MYH14: variants seen among roughly 807,000 people sequenced by gnomAD.
MYH14 encodes myosin-14.
Under a neutral mutation model 255.5 loss-of-function variants are expected in MYH14, and 123 were observed. The observed-to-expected ratio is 0.48, with a 90% CI of 0.42 to 0.56. MYH14 has a LOEUF of 0.56. MYH14 is among the 20% of genes least tolerant of loss of function. The pLI, the probability that MYH14 is intolerant of heterozygous loss-of-function variation, is 0.00. For synonymous variants in MYH14, 1,095 were observed against 1,161.2 expected (o/e 0.94, Z 1.16); for missense variants, 2,423 against 2,802.3 (o/e 0.86, Z 3.06).
intron 10 of MYH14, among the ~76,000 whole-genome samples, chr19:50,232,421 G>T (rs146452792): frequency 7.5e-6 from 1 of 132,536 alleles, no homozygotes; most frequent in Non-Finnish European, 1.7e-5. Flanking sequence ...GTGAAACACC[G>T]TTTCTACTGA....
At position 50,274,729 on chromosome 19, in the gene MYH14, G is replaced by A. The variant is rs146574105; in HGVS notation, c.3468-1262G>A. On this transcript the variant is annotated intron_variant, in intron 27 of 42. Coordinates refer to ENST00000642316, the MANE Select transcript of MYH14 (RefSeq NM_001145809.2). The stretch of plus-strand genomic sequence containing the variant: ...GGGTCGCCTGAGCCCAGGAATTCAA[G>A]ACCAGCCTGGGCAATATAATGAGAC... 7.5e-3 allele frequency among the ~76,000 whole-genome samples: 1,145 copies of A among 152,228 alleles called. 18 individuals are homozygous for A. Among genetic ancestry groups the A allele is most frequent in the African/African-American group, 0.024 (1,009 of 41,534 alleles).
intron 40 of MYH14, among the ~76,000 whole-genome samples, chr19:50,304,026 TC>T (rs2036577425): frequency 6.6e-6 from 1 of 152,224 alleles, no homozygotes; most frequent in African/African-American, 2.4e-5. Context: ...TACTAATAGT[TC>T]CTATTTATTG....
chr19:50,299,050 C>T (rs1329823376), intron 39 of MYH14, among the ~76,000 whole-genome samples: 1 of 151,942 alleles, frequency 6.6e-6, no homozygotes, highest in Non-Finnish European at 1.5e-5. Flanking sequence ...ATGATTGTGC[C>T]ACTGCACTCC....
At chr19:50,274,862 T>A (rs1334015315) in intron 27 of MYH14, among the ~76,000 whole-genome samples, 1 of 150,662 alleles carries the variant, frequency 6.6e-6, no homozygotes, top group Non-Finnish European at 1.5e-5. Flanking sequence ...ACCTGGGAAG[T>A]CGAGGCTGCA....
At chr19:50,269,564 C>T (rs536218675) in intron 24 of MYH14, among the ~76,000 whole-genome samples, 30 of 152,258 alleles carry the variant, frequency 2.0e-4, no homozygotes, top group African/African-American at 6.3e-4. Context: ...GCTGAGCACA[C>T]AGCACTGGGC....
chr19:50,244,987 A>G (rs2034046755), intron 11 of MYH14, among the ~76,000 whole-genome samples: 1 of 152,206 alleles, frequency 6.6e-6, no homozygotes, highest in African/African-American at 2.4e-5. Flanking sequence ...CTCTGCAGAG[A>G]CACACTTCTT....
At chr19:50,277,933 A>T (rs62702961) in intron 29 of MYH14, 150 bp from the exon 30 acceptor site, 2 of 502,702 alleles carry the variant, frequency 4.0e-6, no homozygotes, top group South Asian at 7.4e-5. Flanking sequence ...AAAAAAAAAA[A>T]TTGGGAGTGA....
chr19:50,284,584 G>T (rs1224433393), intron 33 of MYH14, among the ~76,000 whole-genome samples: 2 of 151,178 alleles, frequency 1.3e-5, no homozygotes, highest in African/African-American at 2.4e-5. Context: ...TAAAGACAGG[G>T]TTTCACTATG....
At chr19:50,307,199 C>T in intron 41 of MYH14, 42 bp downstream of exon 41, 1 of 1,277,068 alleles carries the variant, frequency 7.8e-7, no homozygotes, top group East Asian at 2.5e-5. Context: ...AGAGTGTGAC[C>T]ACTGGCTGAG....
chr19:50,282,889 G>A (rs998035410), intron 33 of MYH14, among the ~76,000 whole-genome samples: 2 of 151,978 alleles, frequency 1.3e-5, no homozygotes, highest in Non-Finnish European at 2.9e-5. Flanking sequence ...GCTTCCTGTA[G>A]CTGTGGGTTG....
At chr19:50,245,159 C>G (rs1170626668) in intron 11 of MYH14, among the ~76,000 whole-genome samples, 2 of 152,034 alleles carry the variant, frequency 1.3e-5, no homozygotes, top group Non-Finnish European at 2.9e-5. Context: ...CCATAATCAC[C>G]TGTAATCCCA....
chr19:50,204,080 G>T (rs2031600521), intron 1 of MYH14, among the ~76,000 whole-genome samples: 1 of 152,238 alleles, frequency 6.6e-6, no homozygotes, highest in Non-Finnish European at 1.5e-5. Context: ...GTCGTGACTG[G>T]AAGAGGCGGA....
At chr19:50,301,989 G>A (rs961982824) in intron 40 of MYH14, 120 bp downstream of exon 40, 19 of 833,148 alleles carry the variant, frequency 2.3e-5, no homozygotes, top group Non-Finnish European at 3.4e-5. Context: ...TCATAGTAAT[G>A]ACTGCTGGCC....
chr19:50,247,198 G>A (rs1209939561), intron 12 of MYH14, 76 bp downstream of exon 12: 2 of 1,025,306 alleles, frequency 2.0e-6, no homozygotes, highest in Non-Finnish European at 3.0e-6. Flanking sequence ...AGTGTATGCT[G>A]TTTTTCCCAC....
At position 50,276,412 on chromosome 19, in the gene MYH14, G is replaced by A. The variant is rs1457291122; in HGVS notation, c.3680+209G>A. On this transcript the variant is annotated intron_variant, in intron 28 of 42. Coordinates refer to ENST00000642316, the MANE Select transcript of MYH14 (RefSeq NM_001145809.2). This position sits in a 1 kb window ranked among gnomAD's most constrained non-coding sequence, Gnocchi z 4.3. ...TTGGGAACTTCCAGTCTCAGGGGAGGCAGATTCAGGCAAAGACAATCTCAA... is the reference window on the plus strand; with the variant it reads ...TTGGGAACTTCCAGTCTCAGGGGAGACAGATTCAGGCAAAGACAATCTCAA... Among the ~76,000 whole-genome samples, 1 of 152,182 alleles carries A rather than the reference G, an allele frequency of 6.6e-6. No individual in the cohort carries two copies. Among genetic ancestry groups the A allele is most frequent in the African/African-American group, 2.4e-5 (1 of 41,442 alleles).
intron 1 of MYH14, among the ~76,000 whole-genome samples, chr19:50,207,247 G>GAGAGAGAA (rs2031820527): frequency 1.1e-4 from 15 of 137,142 alleles, no homozygotes; most frequent in African/African-American, 4.0e-4. Flanking sequence ...AAGAGAGAGA[G>GAGAGAGAA]AGAGAGAGAA....
Position 50,261,600 on chromosome 19 carries a change from C to G in MYH14, c.2550C>G (p.Ser850=), listed in dbSNP as rs764665059. ...RDLKVTDIIV[S]FQAAARGYLA... is the part of the protein sequence containing the mutation. ...TGAAGGTCACCGACATCATCGTCTC[C>G]TTCCAGGCAGCTGCCCGGGGATACC... Residue 850 remains serine (S), a synonymous_variant, in exon 21 of 43, where the codon TCC becomes TCG. Transcript: ENST00000642316. 6.2e-7 allele frequency: 1 copy of G among 1,603,910 alleles called. No homozygotes were observed. Among genetic ancestry groups the G allele is most frequent in the Non-Finnish European group, 8.5e-7 (1 of 1,176,344 alleles).
At chr19:50,241,336 G>A (rs1454494625) in intron 10 of MYH14, among the ~76,000 whole-genome samples, 1 of 152,196 alleles carries the variant, frequency 6.6e-6, no homozygotes, top group African/African-American at 2.4e-5. Flanking sequence ...TTGGGAGGCT[G>A]AGGCGGGAGA....
At chr19:50,224,798 A>G (rs1173488398) in intron 6 of MYH14, 2 of 456,374 alleles carry the variant, frequency 4.4e-6, no homozygotes, top group South Asian at 3.1e-5. Flanking sequence ...GGTGGTACAG[A>G]TTTTTGCCTT....
Sources: allele counts gnomAD v4.1 joint callset (sites outside exome capture counted in the v4.1 genomes callset), GRCh38; gene constraint gnomAD v4.1.1; non-coding constraint Gnocchi (gnomAD v3.1); transcripts MANE v1.5; gene names NCBI Gene and HGNC (gene_info 2026-07-23, HGNC 2026-07-21).